PIERCE2: variants seen among roughly 807,000 people sequenced by gnomAD.
PIERCE2 encodes the protein piercer of microtubule wall 2.
chr15:55,410,173 T>A, the PIERCE2 span, among the ~76,000 whole-genome samples: 1 of 152,166 alleles, frequency 6.6e-6, no homozygotes, highest in African/African-American at 2.4e-5. Context: ...TCTAAAAAAT[T>A]TTTAATTTAA....
At chr15:55,408,510 C>T in the PIERCE2 span, 3 of 340,280 alleles carry the variant, frequency 8.8e-6, no homozygotes, top group South Asian at 3.1e-4. Context: ...CCACAACATC[C>T]GGGAGCCGGC....
chr15:55,416,549 C>T, the PIERCE2 span, among the ~76,000 whole-genome samples: 2,420 of 152,200 alleles, frequency 0.016, 29 homozygotes, highest in Non-Finnish European at 0.026. Context: ...CACCACCATC[C>T]GCCCAAGTGT....
At chr15:55,409,517 T>G in the PIERCE2 span, among the ~76,000 whole-genome samples, 1 of 152,158 alleles carries the variant, frequency 6.6e-6, no homozygotes, top group Non-Finnish European at 1.5e-5. Context: ...ATGGAAAAAT[T>G]AATAATAAAC....
chr15:55,414,715 C>G, the PIERCE2 span, among the ~76,000 whole-genome samples: 7 of 150,098 alleles, frequency 4.7e-5, no homozygotes, highest in African/African-American at 1.7e-4. Flanking sequence ...CCCATCTCTA[C>G]TAAAATACAA....
At chr15:55,408,554 A>G in the PIERCE2 span, 27 of 400,038 alleles carry the variant, frequency 6.7e-5, no homozygotes, top group Middle Eastern at 6.4e-4. Context: ...ACGAGTTGCA[A>G]CCTCCAGAAA....
the PIERCE2 span, among the ~76,000 whole-genome samples, chr15:55,416,943 A>T: frequency 1.3e-5 from 2 of 152,176 alleles, no homozygotes; most frequent in Non-Finnish European, 2.9e-5. Context: ...CCTGGATGAC[A>T]GAGCGAGACT....
the PIERCE2 span, among the ~76,000 whole-genome samples, chr15:55,416,577 A>T: frequency 6.6e-6 from 1 of 152,004 alleles, no homozygotes; most frequent in Non-Finnish European, 1.5e-5. Flanking sequence ...GAAACCTGGA[A>T]GTTATCCTAG....
the PIERCE2 span, among the ~76,000 whole-genome samples, chr15:55,412,774 G>T: frequency 2.8e-4 from 43 of 151,686 alleles, no homozygotes; most frequent in South Asian, 8.1e-3. Flanking sequence ...TGAGATCTCT[G>T]TCTCAAAAAA....
chr15:55,415,456 CAAAAA>C, the PIERCE2 span, among the ~76,000 whole-genome samples: 1 of 82,784 alleles, frequency 1.2e-5, no homozygotes, highest in Non-Finnish European at 2.7e-5. Flanking sequence ...AACTTCGTCT[CAAAAA>C]AAAAAAAAAA....
the PIERCE2 span, among the ~76,000 whole-genome samples, chr15:55,413,988 C>T: frequency 2.1e-4 from 32 of 151,226 alleles, no homozygotes; most frequent in Non-Finnish European, 3.8e-4. Flanking sequence ...AGCTCCATCT[C>T]CCAGGTTCAC....
At chr15:55,418,756 C>T in the PIERCE2 span, 1 of 490,388 alleles carries the variant, frequency 2.0e-6, no homozygotes, top group Non-Finnish European at 3.5e-6. Context: ...TTCAAAATAG[C>T]AAAATAAAAG....
chr15:55,414,680 G>A, the PIERCE2 span, among the ~76,000 whole-genome samples: 7 of 151,380 alleles, frequency 4.6e-5, no homozygotes, highest in African/African-American at 1.7e-4. Context: ...GAAGTCCGAG[G>A]CCAGCCTGGC....
the PIERCE2 span, chr15:55,418,375 T>C: frequency 1.3e-6 from 2 of 1,536,670 alleles, no homozygotes; most frequent in Admixed American, 2.0e-5. Context: ...CTCAAATGAT[T>C]ATGTATAAAA....
chr15:55,408,794 T>TA, the PIERCE2 span: 1 of 1,520,796 alleles, frequency 6.6e-7, no homozygotes, highest in Non-Finnish European at 8.8e-7. Context: ...CGGGTGAGTT[T>TA]AGGCAGAGGG....
chr15:55,410,184 G>C, the PIERCE2 span, among the ~76,000 whole-genome samples: 11 of 152,214 alleles, frequency 7.2e-5, no homozygotes, highest in African/African-American at 2.4e-4. Context: ...TTTAATTTAA[G>C]ATTTAGCTTT....
At chr15:55,408,689 C>G in the PIERCE2 span, 2 of 896,980 alleles carry the variant, frequency 2.2e-6, no homozygotes, top group Non-Finnish European at 3.5e-6. Context: ...AAGGCCACGT[C>G]CCTAGGCGTT....
the PIERCE2 span, among the ~76,000 whole-genome samples, chr15:55,415,752 G>T: frequency 6.6e-6 from 1 of 152,116 alleles, no homozygotes; most frequent in Admixed American, 6.6e-5. Context: ...TAGGTCAGGG[G>T]TCGATCTTTA....
At chr15:55,412,632 CTG>C in the PIERCE2 span, among the ~76,000 whole-genome samples, 5 of 152,138 alleles carry the variant, frequency 3.3e-5, no homozygotes, top group Admixed American at 1.3e-4. Flanking sequence ...AAGCTGGACA[CTG>C]TGGCATGTAC....
At chr15:55,416,163 GATCT>G in the PIERCE2 span, among the ~76,000 whole-genome samples, 630 of 152,170 alleles carry the variant, frequency 4.1e-3, 6 homozygotes, top group African/African-American at 0.014. Context: ...GCAGTGGCGT[GATCT>G]TGGCTCACTG....
Sources: gnomAD v4.1 joint callset for allele counts (sites outside exome capture counted in the v4.1 genomes callset) on GRCh38, gnomAD v4.1.1 for gene constraint, MANE v1.5 for transcripts, NCBI Gene and HGNC (gene_info 2026-07-23, HGNC 2026-07-21) for gene names.